The following OR7C1 variants were observed in gnomAD, a reference collection of about 807,000 sequenced individuals.
OR7C1 encodes the protein olfactory receptor family 7 subfamily C member 1.
For synonymous variants in OR7C1, 152 were observed against 160.7 expected, an observed-to-expected ratio of 0.95 and a Z score of 0.41; for missense variants, 324 against 383.3, an observed-to-expected ratio of 0.85 and a Z score of 1.29.
chr19:14,828,862 T>C (rs2044803096), intron 1 of OR7C1, among the ~76,000 whole-genome samples: 1 of 148,898 alleles, frequency 6.7e-6, no homozygotes, highest in South Asian at 2.1e-4. Context: ...GTCTAGATAA[T>C]GAGTGAACAA....
chr19:14,830,797 C>A (rs761622511), intron 1 of OR7C1, among the ~76,000 whole-genome samples: 5 of 152,124 alleles, frequency 3.3e-5, no homozygotes. Context: ...GATAGATAAG[C>A]TCTAAGTCTG....
chr19:14,806,412 T>C (rs1052703880), intron 2 of OR7C1, among the ~76,000 whole-genome samples: 5 of 151,990 alleles, frequency 3.3e-5, no homozygotes, highest in African/African-American at 1.2e-4. Flanking sequence ...AGGATACATG[T>C]ACAGGACATG....
chr19:14,826,918 T>A (rs2044773365), intron 1 of OR7C1: 1 of 165,884 alleles, frequency 6.0e-6, no homozygotes, highest in Non-Finnish European at 1.3e-5. Flanking sequence ...GAACAAATTG[T>A]GGTCTCAGGT....
intron 1 of OR7C1, among the ~76,000 whole-genome samples, chr19:14,811,294 G>C (rs754428762): frequency 4.0e-5 from 6 of 151,804 alleles, no homozygotes; most frequent in Non-Finnish European, 8.8e-5. Flanking sequence ...AGTCTCTAAC[G>C]GTGATTCTGT....
At chr19:14,818,078 A>ATTTATTTG (rs1464782620) in intron 1 of OR7C1, among the ~76,000 whole-genome samples, 1 of 148,890 alleles carries the variant, frequency 6.7e-6, no homozygotes, top group Middle Eastern at 3.2e-3. Flanking sequence ...TTATTTATTT[A>ATTTATTTG]TTTATTTATT....
chr19:14,821,090 T>C (rs569415034), intron 1 of OR7C1, among the ~76,000 whole-genome samples: 13 of 151,930 alleles, frequency 8.6e-5, no homozygotes, highest in Non-Finnish European at 1.8e-4. Context: ...ATACAAAAAT[T>C]AGCTGGGTGT....
chr19:14,817,401 G>A (rs79389991), intron 1 of OR7C1, among the ~76,000 whole-genome samples: 5,004 of 152,200 alleles, frequency 0.033, 257 homozygotes, highest in African/African-American at 0.11. Flanking sequence ...ATCTTTTGCC[G>A]CTATGTAGAA....
At chr19:14,822,418 TCTGTCGCCCAGGCTAGAGTG>T (rs774972154) in intron 1 of OR7C1, among the ~76,000 whole-genome samples, 66 of 128,208 alleles carry the variant, frequency 5.1e-4, no homozygotes, top group Admixed American at 2.0e-3. Context: ...GGAGTCTCGC[TCTGTCGCCCAGGCTAGAGTG>T]CAGTGGTGCG....
chr19:14,820,854 A>T (rs1331663284), intron 1 of OR7C1, among the ~76,000 whole-genome samples: 2 of 152,120 alleles, frequency 1.3e-5, no homozygotes, highest in East Asian at 3.9e-4. Flanking sequence ...TGCCCACTGG[A>T]TTTGTCAGAA....
At chr19:14,811,000 A>G (rs570030910) in intron 1 of OR7C1, among the ~76,000 whole-genome samples, 1 of 152,060 alleles carries the variant, frequency 6.6e-6, no homozygotes, top group African/African-American at 2.4e-5. Context: ...ACAGTGACTA[A>G]GAGCATGCAC....
intron 1 of OR7C1, among the ~76,000 whole-genome samples, chr19:14,834,777 G>A (rs2044868839): frequency 6.6e-6 from 1 of 152,150 alleles, no homozygotes; most frequent in Admixed American, 6.5e-5. Context: ...AAAGATGTAT[G>A]TTGTACTTTT....
At chr19:14,813,482 G>C (rs1163161591) in intron 1 of OR7C1, among the ~76,000 whole-genome samples, 2 of 152,158 alleles carry the variant, frequency 1.3e-5, no homozygotes, top group Non-Finnish European at 2.9e-5. Flanking sequence ...ATGAACCCAG[G>C]AGGTGGAGCT....
At chr19:14,823,812 G>T (rs556920910) in intron 1 of OR7C1, among the ~76,000 whole-genome samples, 1 of 151,682 alleles carries the variant, frequency 6.6e-6, no homozygotes, top group South Asian at 2.1e-4. Flanking sequence ...TTTGTATATG[G>T]TGTGAAATGA....
chr19:14,823,544 C>T (rs1174022573), intron 1 of OR7C1, among the ~76,000 whole-genome samples: 5 of 152,160 alleles, frequency 3.3e-5, no homozygotes, highest in Non-Finnish European at 7.3e-5. Flanking sequence ...GAAGTCTGGG[C>T]TTTTAGTGTA....
chr19:14,815,782 TGC>T (rs1410758475), intron 1 of OR7C1, among the ~76,000 whole-genome samples: 1 of 115,164 alleles, frequency 8.7e-6, no homozygotes, highest in African/African-American at 3.5e-5. Context: ...TCTGAGTTTG[TGC>T]GTGTGTGTGT....
Position 14,808,114 on chromosome 19 carries a change from C to A in OR7C1, c.-435+1692G>T, listed in dbSNP as rs1444208983. ...TTTAAAGAAATAAAAAAAAAAAAAACAACAACAGATGTTGGTGAGGATGCA... is the reference window on the plus strand; with the variant it reads ...TTTAAAGAAATAAAAAAAAAAAAAAAAACAACAGATGTTGGTGAGGATGCA... On this transcript the variant is annotated intron_variant, in intron 2 of 4. Coordinates refer to ENST00000641666, the Ensembl canonical transcript of OR7C1. Among the ~76,000 whole-genome samples the A allele has an allele frequency of 7.7e-4, 108 of 141,096 alleles. 2 individuals carry two copies. Among genetic ancestry groups the A allele is most frequent in the African/African-American group, 2.5e-3 (95 of 37,316 alleles). The allele number at this position is 141,096 out of a possible 152,430, so 92.6% of individuals were successfully genotyped here.
At chr19:14,812,676 CG>C (rs2044697025) in intron 1 of OR7C1, among the ~76,000 whole-genome samples, 2 of 151,862 alleles carry the variant, frequency 1.3e-5, no homozygotes, top group South Asian at 4.2e-4. Context: ...TTCACTATCT[CG>C]GTGTCTGAGG....
intron 1 of OR7C1, among the ~76,000 whole-genome samples, chr19:14,818,004 T>C (rs1165196873): frequency 5.9e-5 from 9 of 152,126 alleles, no homozygotes; most frequent in Admixed American, 5.9e-4. Flanking sequence ...ATCACACCAA[T>C]GTATTATTTG....
intron 2 of OR7C1, among the ~76,000 whole-genome samples, 192 bp from the exon 3 acceptor site, chr19:14,800,956 A>G (rs2044638596): frequency 6.6e-6 from 1 of 152,140 alleles, no homozygotes; most frequent in Non-Finnish European, 1.5e-5. Flanking sequence ...CCTTTTCTCT[A>G]TGGAGAGAGG....
Sources: gnomAD v4.1 joint callset for allele counts (sites outside exome capture counted in the v4.1 genomes callset) on GRCh38, gnomAD v4.1.1 for gene constraint, MANE v1.5 for transcripts, NCBI Gene and HGNC (gene_info 2026-07-23, HGNC 2026-07-21) for gene names.